The following MUTYH variants were observed in gnomAD, a reference collection of about 807,000 sequenced individuals.
MUTYH encodes the protein mutY DNA glycosylase.
MUTYH carries 64 observed loss-of-function variants against 72.9 expected under a neutral mutation model. The observed-to-expected ratio is 0.88, with a 90% CI of 0.72 to 1.08. MUTYH has a LOEUF of 1.08. Among genes scored for constraint, MUTYH ranks in the 50% least tolerant of loss-of-function variants. The pLI is 0.00. For missense variants in MUTYH, 633 were observed against 671.0 expected (o/e 0.94, Z 0.63); for synonymous variants, 234 against 263.1 (o/e 0.89, Z 1.07).
chr1:45,338,107 G>A (rs1443391555), intron 1 of MUTYH: 1 of 499,028 alleles, frequency 2.0e-6, no homozygotes, highest in Non-Finnish European at 4.0e-6. Flanking sequence ...TGGTTAGAAT[G>A]GAATGAGATG....
rs786201439 is a variant in MUTYH, at chr1:45,333,503, T to C, written c.174A>G (p.Leu58=). The C allele has an allele frequency of 6.2e-7, 1 of 1,614,220 alleles. No individual in the cohort carries two copies. The highest frequency in any genetic ancestry group is 1.3e-5 in the African/African-American group (1 of 75,056). The change falls in exon 3 of 16, where the codon CTA becomes CTG. Residue 58 remains leucine (L), a synonymous_variant. Transcript: ENST00000456914. The part of the protein sequence containing the change: ...VLQASVSSYH[L]FRDVAEVTAF... The stretch of plus-strand genomic sequence containing the variant: ...CTGTGACTTCAGCTACGTCTCTGAA[T>C]AGATGGTATGAGGAGACAGAGGCCT...
Position 45,331,447 on chromosome 1 carries a change from T to C in MUTYH, c.1212A>G (p.Pro404=). The change falls in exon 13 of 16, where the codon CCA becomes CCG. Residue 404 remains proline, a synonymous_variant. Transcript: ENST00000456914. ...QELQRWAGPL[P]ATHLRHLGEV... ...CCCCAAGGTGCCGGAGGTGCGTGGC[T>C]GGGAGGGGCCCAGCCCAACGCTGTA... 6.2e-7 allele frequency: 1 copy of C among 1,614,190 alleles called. No homozygotes were observed. The highest frequency in any genetic ancestry group is 8.5e-7 in the Non-Finnish European group (1 of 1,180,016).
At position 45,331,407 on chromosome 1, in the gene MUTYH, G is replaced by A. The variant is rs200643518; in HGVS notation, c.1239+13C>T. ...AAAAGCCAACATCCTTGGCTATTCC[G>A]CTGCTCACTTACCTCCCCAAGGTGC... On this transcript the variant is annotated intron_variant, in intron 13 of 15. Transcript: ENST00000456914. The A allele has an allele frequency of 4.8e-5, 77 of 1,614,230 alleles. No homozygotes were observed. Among genetic ancestry groups the A allele is most frequent in the East Asian group, 3.6e-4 (16 of 44,880 alleles).
chr1:45,329,560 T>C (rs1400708872), intron 15 of MUTYH, 123 bp from the exon 16 acceptor site: 3 of 1,338,624 alleles, frequency 2.2e-6, no homozygotes, highest in East Asian at 2.3e-5. Context: ...TGGAATGCTG[T>C]AGAGCTTTCA....
chr1:45,332,767 C>A lies in MUTYH; in HGVS notation c.488G>T (p.Arg163Leu). The A allele has an allele frequency of 6.2e-7, 1 of 1,614,194 alleles. No individual in the cohort carries two copies. Among genetic ancestry groups the A allele is most frequent in the Non-Finnish European group, 8.5e-7 (1 of 1,180,024 alleles). ...SRGRRLQEGA[R>L]KVVEELGGHM... ...ACCCTCCTGCCATCCCCTTACCTTC[C>A]GAGCTCCCTCCTGCAGCCGCCGGCC... Residue 163 changes from arginine to leucine, a missense_variant, in exon 7 of 16, where the codon CGG (arginine) becomes CTG (leucine). Coordinates refer to ENST00000456914, the MANE Select transcript of MUTYH (RefSeq NM_001048174.2).
chr1:45,333,032 C>T (rs529624617), intron 5 of MUTYH, 65 bp downstream of exon 5: 8 of 1,612,930 alleles, frequency 5.0e-6, no homozygotes, highest in Non-Finnish European at 6.8e-6. Context: ...TCTACACCCA[C>T]CCCAAAGTAG....
In MUTYH at chr1:45,332,432, A is replaced by G. The variant is rs577792676; in HGVS notation, c.663T>C (p.Ile221=). Residue 221 remains isoleucine, a synonymous_variant, in exon 9 of 16, where the codon ATT becomes ATC. Coordinates refer to ENST00000456914, the MANE Select transcript of MUTYH (RefSeq NM_001048174.2). ...VARVLCRVRA[I]GADPSSTLVS... ...CAAGGGTGCTGCTGGGATCAGCACC[A>G]ATGGCTCGGACACGGCACAGCACCC... 29 of 1,614,124 alleles carry G rather than the reference A, an allele frequency of 1.8e-5. No individual in the cohort carries two copies. The highest frequency in any genetic ancestry group is 2.5e-5 in the Non-Finnish European group (29 of 1,179,996).
At chr1:45,335,664 C>G (rs781148683) in intron 1 of MUTYH, among the ~76,000 whole-genome samples, 1 of 152,024 alleles carries the variant, frequency 6.6e-6, no homozygotes, top group Non-Finnish European at 1.5e-5. Context: ...CGAGACCAGC[C>G]TGGCCAACAT....
chr1:45,331,472 A>G lies in MUTYH; in HGVS notation c.1187T>C (p.Leu396Pro), dbSNP rs1553125762. The change falls in exon 13 of 16, where the codon CTA becomes CCA. Residue 396 changes from leucine (L) to proline (P), a missense_variant. By Grantham distance (98) the Leu-to-Pro change is moderately conservative (BLOSUM62 -3). Transcript: ENST00000456914. ...TGGGAGGGGCCCAGCCCAACGCTGT[A>G]GTTCCTGCAGCAGGGCCTTGCGCTG... is the stretch of plus-strand genomic sequence containing the variant. Reference protein sequence around the residue: ...QLQRKALLQELQRWAGPLPAT... With the variant: ...QLQRKALLQEPQRWAGPLPAT... The G allele has an allele frequency of 4.3e-6, 7 of 1,614,186 alleles. No individual in the cohort carries two copies. Among genetic ancestry groups the G allele is most frequent in the Non-Finnish European group, 5.9e-6 (7 of 1,180,044 alleles).
intron 1 of MUTYH, among the ~76,000 whole-genome samples, chr1:45,339,282 G>A (rs555529655): frequency 6.9e-6 from 1 of 144,728 alleles, no homozygotes; most frequent in South Asian, 2.1e-4. Flanking sequence ...GCGTGATCTC[G>A]GCTCACCGCA....
upstream of MUTYH, chr1:45,340,325 A>T (rs760602987): frequency 6.2e-7 from 1 of 1,606,366 alleles, no homozygotes; most frequent in Non-Finnish European, 8.5e-7. Context: ...TCCCAGAGGT[A>T]GCCTTCAAAG....
At chr1:45,340,115 A>C, upstream of MUTYH, 10 of 1,560,778 alleles carry the variant, frequency 6.4e-6, no homozygotes, top group Non-Finnish European at 8.7e-6. Flanking sequence ...CGGACCCGGG[A>C]CGTCTGAACG....
At position 45,332,306 on chromosome 1, in the gene MUTYH, G is replaced by A. The variant is rs878854194; in HGVS notation, c.709C>T (p.Leu237=). 6.2e-7 allele frequency: 1 copy of A among 1,614,084 alleles called. No homozygotes were observed. Among genetic ancestry groups the A allele is most frequent in the Non-Finnish European group, 8.5e-7 (1 of 1,179,996 alleles). The change falls in exon 10 of 16, where the codon CTA becomes TTA. Residue 237 remains leucine (L), a synonymous_variant. Coordinates refer to ENST00000456914, the MANE Select transcript of MUTYH (RefSeq NM_001048174.2). ...GCTGGGTCCACCAGCTGCTGGGCTAGACCCCTAAAAGAAGGGAACACTGCT... is the reference window on the plus strand; with the variant it reads ...GCTGGGTCCACCAGCTGCTGGGCTAAACCCCTAAAAGAAGGGAACACTGCT... ...STLVSQQLWG[L]AQQLVDPARP...
intron 2 of MUTYH, 52 bp downstream of exon 2, chr1:45,334,339 T>G (rs1376034126): frequency 6.2e-7 from 1 of 1,611,596 alleles, no homozygotes; most frequent in Non-Finnish European, 8.5e-7. Flanking sequence ...CTTCCCAGCC[T>G]GAATCTGCCT....
chr1:45,335,653 T>C (rs1645768605), intron 1 of MUTYH, among the ~76,000 whole-genome samples: 1 of 151,960 alleles, frequency 6.6e-6, no homozygotes, highest in Non-Finnish European at 1.5e-5. Context: ...GGCCAGGAGT[T>C]CGAGACCAGC....
In MUTYH at chr1:45,333,297, G is replaced by A. The variant is rs587782041; in HGVS notation, c.292C>T (p.Arg98Trp). ...GAGATGTACTGACCAGCATATGCCC[G>A]CCTGTCCAGGTCCATCTCATCTTCT... ...RAEDEMDLDR[R>W]AYAVWVSEVM... The change falls in exon 4 of 16, where the codon CGG becomes TGG. Residue 98 changes from arginine (R) to tryptophan (W), a missense_variant. Arg to Trp is a moderately radical substitution (Grantham distance 101). Transcript: ENST00000456914. 2.5e-5 allele frequency: 40 copies of A among 1,614,056 alleles called. 1 individual carries two copies. In the South Asian group the frequency reaches 2.6e-4, roughly 11 times the overall value.
At chr1:45,334,257 G>C (rs1054221657) in intron 2 of MUTYH, 134 bp downstream of exon 2, 1 of 1,370,736 alleles carries the variant, frequency 7.3e-7, no homozygotes, top group Non-Finnish European at 1.0e-6. Context: ...CCAAAGTGCT[G>C]GGATTACAGG....
chr1:45,335,336 A>T (rs1405151672), intron 1 of MUTYH, among the ~76,000 whole-genome samples: 6 of 152,272 alleles, frequency 3.9e-5, no homozygotes, highest in South Asian at 2.1e-4. Flanking sequence ...TTTCAAATCC[A>T]CGACCAGCAT....
rs1057524570 is a variant in MUTYH at position 45,332,146 on chromosome 1, C to T, written c.849+20G>A. 6 of 1,614,092 alleles carry T rather than the reference C, an allele frequency of 3.7e-6. No individual in the cohort carries two copies. Among genetic ancestry groups the T allele is most frequent in the African/African-American group, 1.3e-5 (1 of 74,920 alleles). On this transcript the variant is annotated intron_variant, in intron 10 of 15. Transcript: ENST00000456914. ...GTCACTCCTTAGGACTTCTCACTGCCCCTTCCCCAGTAGGCTTACTCTCTG... is the reference window on the plus strand; with the variant it reads ...GTCACTCCTTAGGACTTCTCACTGCTCCTTCCCCAGTAGGCTTACTCTCTG...
Sources: allele counts gnomAD v4.1 joint callset (sites outside exome capture counted in the v4.1 genomes callset), GRCh38; gene constraint gnomAD v4.1.1; transcripts MANE v1.5; gene names NCBI Gene and HGNC (gene_info 2026-07-23, HGNC 2026-07-21).